The following MYO5A variants were observed in gnomAD, a reference collection of about 807,000 sequenced individuals.
The protein encoded by MYO5A is unconventional myosin-Va.
Under a neutral mutation model 249.7 loss-of-function variants are expected in MYO5A, and 98 were observed. That is an observed-to-expected ratio of 0.39 (90% CI 0.33 to 0.46). The LOEUF (loss-of-function observed/expected upper bound fraction) is 0.46. Among genes scored for constraint, MYO5A ranks in the 20% least tolerant of loss-of-function variants. MYO5A has a pLI of 0.98. For missense variants in MYO5A, 1,696 were observed against 2,308.8 expected (o/e 0.73, Z 5.44); for synonymous variants, 778 against 810.6 (o/e 0.96, Z 0.68).
intron 12 of MYO5A, among the ~76,000 whole-genome samples, chr15:52,389,672 G>A (rs1206064006): frequency 6.6e-6 from 1 of 152,116 alleles, no homozygotes; most frequent in East Asian, 1.9e-4. Flanking sequence ...ACAAAAGCTG[G>A]CCGGGCGTGG....
chr15:52,313,674 A>C lies in MYO5A; in HGVS notation c.*22T>G, dbSNP rs763771446. On this transcript the variant is annotated 3_prime_UTR_variant, in exon 42 of 42. Transcript: ENST00000399233. The stretch of plus-strand genomic sequence containing the variant: ...TATTTCGGGCAAGAAATGTATTGTC[A>C]ATTTTTGCCTGGACATCACTTTCAG... The C allele has an allele frequency of 6.2e-7, 1 of 1,613,866 alleles. No individual in the cohort carries two copies. The highest frequency in any genetic ancestry group is 1.7e-5 in the Admixed American group (1 of 60,008).
intron 2 of MYO5A, 72 bp downstream of exon 2, chr15:52,433,103 T>C: frequency 8.8e-7 from 1 of 1,133,924 alleles, no homozygotes; most frequent in East Asian, 2.4e-5. Flanking sequence ...GGGAGTTTAC[T>C]TCACAGTAAA....
intron 28 of MYO5A, 53 bp from the exon 29 acceptor site, chr15:52,348,879 A>AG: frequency 1.3e-6 from 2 of 1,582,388 alleles, no homozygotes; most frequent in South Asian, 2.3e-5. Flanking sequence ...ATAAACCCTT[A>AG]GTTCCATAAA....
At chr15:52,345,419 T>TA (rs1011722915) in intron 30 of MYO5A, among the ~76,000 whole-genome samples, 88 of 151,086 alleles carry the variant, frequency 5.8e-4, no homozygotes, top group African/African-American at 2.0e-3. Flanking sequence ...CCATCTCTAC[T>TA]AAAAAAAATA....
intron 2 of MYO5A, among the ~76,000 whole-genome samples, chr15:52,429,647 C>A (rs931315208): frequency 1.3e-5 from 2 of 151,944 alleles, no homozygotes; most frequent in Non-Finnish European, 1.5e-5. Context: ...CAAGATCACG[C>A]TACTGAACTC....
intron 1 of MYO5A, among the ~76,000 whole-genome samples, chr15:52,509,688 G>C (rs1159026826): frequency 6.6e-6 from 1 of 152,184 alleles, no homozygotes; most frequent in Non-Finnish European, 1.5e-5. Context: ...ATTCTGACAA[G>C]CCAAAGATCA....
intron 1 of MYO5A, among the ~76,000 whole-genome samples, chr15:52,488,399 A>G (rs946872564): frequency 1.3e-5 from 2 of 152,244 alleles, no homozygotes; most frequent in Non-Finnish European, 2.9e-5. Flanking sequence ...TTTCTGAAGC[A>G]TATGCAGCAC....
intron 37 of MYO5A, among the ~76,000 whole-genome samples, chr15:52,321,827 C>T (rs1486720666): frequency 6.8e-6 from 1 of 147,564 alleles, no homozygotes; most frequent in Non-Finnish European, 1.5e-5. Context: ...TAGAGTGTTT[C>T]ACTTCTGAAA....
chr15:52,471,365 AG>A (rs749334278), intron 1 of MYO5A, among the ~76,000 whole-genome samples: 24 of 152,286 alleles, frequency 1.6e-4, no homozygotes, highest in Middle Eastern at 3.4e-3. Context: ...GCACTCTGAG[AG>A]ACCAAGGTGG....
intron 8 of MYO5A, among the ~76,000 whole-genome samples, chr15:52,406,374 A>G (rs2043003809): frequency 6.6e-6 from 1 of 152,082 alleles, no homozygotes; most frequent in Non-Finnish European, 1.5e-5. Context: ...AAATTCACAA[A>G]TTTACTATTT....
In MYO5A at chr15:52,308,510, A is replaced by G. The variant is rs2037684458; in HGVS notation, c.*5186T>C. ...AGCAAGACATTTAAGTATTACCAAG[A>G]ATCTAACTTATCTCCATAATTTCTT... On this transcript the variant is annotated 3_prime_UTR_variant, in exon 42 of 42. Coordinates refer to ENST00000399233, the MANE Select transcript of MYO5A (RefSeq NM_001382347.1). 1 of 152,212 alleles carries G rather than the reference A, an allele frequency of 6.6e-6. No individual in the cohort carries two copies. 9.4% of individuals were successfully genotyped at this position (152,212 alleles called of 1,614,324 possible).
chr15:52,391,635 G>A (rs181372056), intron 12 of MYO5A, among the ~76,000 whole-genome samples: 6 of 152,024 alleles, frequency 3.9e-5, no homozygotes, highest in South Asian at 2.1e-4. Flanking sequence ...AAATTCTATC[G>A]CTGACCAAAA....
chr15:52,438,468 C>T (rs2075714239), intron 1 of MYO5A, among the ~76,000 whole-genome samples: 1 of 152,184 alleles, frequency 6.6e-6, no homozygotes, highest in African/African-American at 2.4e-5. Context: ...GACACAGCCC[C>T]AGCAAGGCAA....
At chr15:52,503,502 C>T (rs1013083922) in intron 1 of MYO5A, among the ~76,000 whole-genome samples, 13 of 151,878 alleles carry the variant, frequency 8.6e-5, no homozygotes, top group African/African-American at 2.7e-4. Flanking sequence ...GGCATGGTGG[C>T]GCATATCTGT....
At chr15:52,505,668 C>A in intron 1 of MYO5A, 1 of 1,223,928 alleles carries the variant, frequency 8.2e-7, no homozygotes, top group Non-Finnish European at 1.2e-6. Flanking sequence ...AATTAGAGGG[C>A]GTCAGAAGCA....
chr15:52,447,678 G>A (rs1016610142), intron 1 of MYO5A, among the ~76,000 whole-genome samples: 9 of 152,176 alleles, frequency 5.9e-5, no homozygotes, highest in African/African-American at 1.7e-4. Context: ...ATAGGGATAT[G>A]CACAGTGAAG....
chr15:52,406,722 C>A (rs1385732514), intron 8 of MYO5A, among the ~76,000 whole-genome samples: 1 of 151,844 alleles, frequency 6.6e-6, no homozygotes, highest in Admixed American at 6.6e-5. Context: ...TTTTAAATCC[C>A]AGAAACAAGA....
intron 1 of MYO5A, among the ~76,000 whole-genome samples, chr15:52,472,784 G>C (rs148659112): frequency 6.6e-6 from 1 of 152,142 alleles, no homozygotes; most frequent in Non-Finnish European, 1.5e-5. Context: ...TCTTAATCCA[G>C]TCTATCATTG....
At chr15:52,391,634 C>T (rs908200009) in intron 12 of MYO5A, among the ~76,000 whole-genome samples, 6 of 152,104 alleles carry the variant, frequency 3.9e-5, no homozygotes, top group Admixed American at 2.0e-4. Context: ...TAAATTCTAT[C>T]GCTGACCAAA....
Sources: allele counts gnomAD v4.1 joint callset (sites outside exome capture counted in the v4.1 genomes callset), GRCh38; gene constraint gnomAD v4.1.1; transcripts MANE v1.5; gene names NCBI Gene and HGNC (gene_info 2026-07-23, HGNC 2026-07-21).